EDEM1: variants seen among roughly 807,000 people sequenced by gnomAD.
EDEM1 encodes the protein ER degradation enhancing alpha-mannosidase like protein 1.
Under a neutral mutation model 74.4 loss-of-function variants are expected in EDEM1, and 67 were observed. That is an observed-to-expected ratio of 0.90 (90% CI 0.74 to 1.10). The LOEUF is 1.10. EDEM1 is among the 50% of genes least tolerant of loss of function. The probability of loss-of-function intolerance (pLI) is 0.00; values close to 1 mark genes in which losing one functional copy is unlikely to be tolerated. For missense variants in EDEM1, 926 were observed against 851.6 expected, an observed-to-expected ratio of 1.09 and a Z score of -1.09; for synonymous variants, 382 against 335.9, an observed-to-expected ratio of 1.14 and a Z score of -1.50.
rs745805992 is a variant in EDEM1, at chr3:5,213,405, T to C, written c.1767T>C (p.His589=). The part of the protein sequence containing the change: ...TEGHIVSVDE[H]LRELPWKEFF... ...GACACATTGTATCTGTGGATGAGCA[T>C]CTTCGGGAATTGCCATGGAAGGAAT... Residue 589 remains histidine, a synonymous_variant, in exon 11 of 12, where the codon CAT becomes CAC. Coordinates refer to ENST00000256497, the MANE Select transcript of EDEM1 (RefSeq NM_014674.3). The C allele has an allele frequency of 7.4e-6, 12 of 1,614,190 alleles. No individual in the cohort carries two copies. In the East Asian group the frequency reaches 2.7e-4, roughly 36 times the overall value.
intron 1 of EDEM1, 199 bp downstream of exon 1, chr3:5,188,513 T>C: frequency 2.1e-6 from 1 of 476,778 alleles, no homozygotes; most frequent in Non-Finnish European, 3.4e-6. Flanking sequence ...CCGGTGGCCT[T>C]CCTCTCCTGA....
Position 5,217,778 on chromosome 3 carries a change from C to T in EDEM1, c.*1860C>T, listed in dbSNP as rs1575594957. 2 of 152,124 alleles carry T rather than the reference C, an allele frequency of 1.3e-5. No individual in the cohort carries two copies. Among genetic ancestry groups the T allele is most frequent in the African/African-American group, 4.8e-5 (2 of 41,420 alleles). The allele number at this position is 152,124 out of a possible 1,614,324, so 9.4% of individuals were successfully genotyped here. A position where few individuals can be genotyped will look rare whatever the true frequency, so the allele number is the denominator to read the frequency against. On this transcript the variant is annotated 3_prime_UTR_variant, in exon 12 of 12. Transcript: ENST00000256497. ...TATATATTTTAAATGTTTTCACTGA[C>T]TCATTGAAAATGTTAATTACACACA...
intron 1 of EDEM1, among the ~76,000 whole-genome samples, chr3:5,189,057 T>C (rs2054868507): frequency 6.6e-6 from 1 of 152,168 alleles, no homozygotes; most frequent in Non-Finnish European, 1.5e-5. Flanking sequence ...CAGGCAGTCT[T>C]CCCTGTTCAC....
At position 5,188,100 on chromosome 3, in the gene EDEM1, A is replaced by G. The variant is rs1449131789; in HGVS notation, c.295A>G (p.Asn99Asp). 4.0e-6 allele frequency: 6 copies of G among 1,510,400 alleles called. No individual in the cohort carries two copies. In the South Asian group the frequency reaches 6.2e-5, roughly 16 times the overall value. 93.6% of individuals were successfully genotyped at this position (1,510,400 alleles called of 1,614,324 possible). ...RPGPGMCGPA[N>D]WGYVLGGRGR... ...TGGGCCGGGGATGTGCGGCCCAGCCAACTGGGGCTACGTGCTGGGCGGCCG... is the reference window on the plus strand; with the variant it reads ...TGGGCCGGGGATGTGCGGCCCAGCCGACTGGGGCTACGTGCTGGGCGGCCG... Residue 99 changes from asparagine (N) to aspartate (D), a missense_variant, in exon 1 of 12, where the codon AAC becomes GAC. Asn to Asp is a conservative substitution (Grantham distance 23). Coordinates refer to ENST00000256497, the MANE Select transcript of EDEM1 (RefSeq NM_014674.3).
Position 5,205,113 on chromosome 3 carries a change from T to C in EDEM1, c.1089T>C (p.Ser363=), listed in dbSNP as rs113760875. ...CGGGCCACTGGGTTGGAAAGCAGAG[T>C]GGCCTGGGTGCCGGGCTGGACTCCT... ...IQTGHWVGKQ[S]GLGAGLDSFY... is the part of the protein sequence containing the mutation. The change falls in exon 6 of 12, where the codon AGT becomes AGC. Residue 363 remains serine (S), a synonymous_variant. Coordinates refer to ENST00000256497, the MANE Select transcript of EDEM1 (RefSeq NM_014674.3). 2 of 1,614,046 alleles carry C rather than the reference T, an allele frequency of 1.2e-6. No individual in the cohort carries two copies. The highest frequency in any genetic ancestry group is 1.7e-6 in the Non-Finnish European group (2 of 1,180,038).
intron 9 of EDEM1, 98 bp from the exon 10 acceptor site, chr3:5,211,022 C>G (rs2106608284): frequency 9.2e-7 from 1 of 1,086,124 alleles, no homozygotes; most frequent in South Asian, 1.4e-5. Context: ...TGTTGGATGA[C>G]TGGTTGATTA....
intron 5 of EDEM1, among the ~76,000 whole-genome samples, chr3:5,204,035 G>T (rs2106599129): frequency 6.6e-6 from 1 of 152,244 alleles, no homozygotes; most frequent in Admixed American, 6.5e-5. Flanking sequence ...CCCAGCCTAG[G>T]TGTTATTTTA....
At position 5,205,081 on chromosome 3, in the gene EDEM1, A is replaced by T; in HGVS notation, c.1057A>T (p.Ile353Phe). ...TATTTTTGCAGGCAATGTCGTGAAC[A>T]TTCAGACGGGCCACTGGGTTGGAAA... ...DTGLLGNVVNIQTGHWVGKQS... is the reference protein window; with the variant it reads ...DTGLLGNVVNFQTGHWVGKQS... The change falls in exon 6 of 12, where the codon ATT (isoleucine) becomes TTT (phenylalanine). Residue 353 changes from isoleucine (I) to phenylalanine (F), a missense_variant. Transcript: ENST00000256497. 1 of 1,614,106 alleles carries T rather than the reference A, an allele frequency of 6.2e-7. No homozygotes were observed. Among genetic ancestry groups the T allele is most frequent in the South Asian group, 1.1e-5 (1 of 91,086 alleles).
At chr3:5,211,028 G>A in intron 9 of EDEM1, 92 bp from the exon 10 acceptor site, 1 of 1,156,608 alleles carries the variant, frequency 8.6e-7, no homozygotes. Flanking sequence ...ATGACTGGTT[G>A]ATTATTCTGA....
intron 1 of EDEM1, among the ~76,000 whole-genome samples, chr3:5,190,141 T>G (rs343420): frequency 6.6e-6 from 1 of 152,026 alleles, no homozygotes; most frequent in African/African-American, 2.4e-5. Flanking sequence ...TTAAATTTAT[T>G]TTTGCCACTA....
In EDEM1 at chr3:5,196,458, G is replaced by GGA. The variant is rs1457070671; in HGVS notation, c.582+1180_582+1181dup. 2.3e-4 allele frequency among the ~76,000 whole-genome samples: 18 copies of GGA among 78,428 alleles called. No homozygotes were observed. The Admixed American group carries it at 2.6e-3, about 11-fold the overall frequency. The allele number at this position is 78,428 out of a possible 152,430, so 51.5% of individuals were successfully genotyped here. A position where few individuals can be genotyped will look rare whatever the true frequency, so the allele number is the denominator to read the frequency against. On this transcript the variant is annotated intron_variant, in intron 2 of 11. Transcript: ENST00000256497. ...GGCAACAGAGTGAGACTCCATCTCT[G>GGA]GAGACACACACACACACACACACAC...
At chr3:5,191,315 C>T (rs1052341059) in intron 1 of EDEM1, among the ~76,000 whole-genome samples, 12 of 152,056 alleles carry the variant, frequency 7.9e-5, no homozygotes, top group Non-Finnish European at 1.5e-4. Context: ...CCTTGAACTC[C>T]TGGGCTCAAG....
At chr3:5,188,395 C>T in intron 1 of EDEM1, 81 bp downstream of exon 1, 1 of 1,308,382 alleles carries the variant, frequency 7.6e-7, no homozygotes, top group South Asian at 2.4e-5. Flanking sequence ...CCTCTGTCCT[C>T]CGGGGCCCCC....
chr3:5,213,260 T>A, intron 10 of EDEM1, 59 bp from the exon 11 acceptor site: 1 of 1,516,732 alleles, frequency 6.6e-7, no homozygotes, highest in Non-Finnish European at 9.0e-7. Flanking sequence ...CACGCCCCCA[T>A]GATTCAGTTC....
rs190594528 is a variant in EDEM1 at position 5,216,049 on chromosome 3, A to G, written c.*131A>G. 487 of 678,090 alleles carry G rather than the reference A, an allele frequency of 7.2e-4. No individual in the cohort carries two copies. Among genetic ancestry groups the G allele is most frequent in the Non-Finnish European group, 9.4e-4 (374 of 397,386 alleles). 42.0% of individuals were successfully genotyped at this position (678,090 alleles called of 1,614,324 possible). On this transcript the variant is annotated 3_prime_UTR_variant, in exon 12 of 12. Coordinates refer to ENST00000256497, the MANE Select transcript of EDEM1 (RefSeq NM_014674.3). ...GGTGGTGTAGGAATTTCTGTGCAAC[A>G]CCTCACCACGTCTGGTTAATCCTTG...
At chr3:5,192,492 G>C (rs367707610) in intron 1 of EDEM1, among the ~76,000 whole-genome samples, 1 of 152,248 alleles carries the variant, frequency 6.6e-6, no homozygotes, top group Non-Finnish European at 1.5e-5. Flanking sequence ...AAAATTTACA[G>C]TGGGGTGAAT....
Position 5,213,307 on chromosome 3 carries a change from C to G in EDEM1, c.1681-12C>G, listed in dbSNP as rs201945107. The G allele has an allele frequency of 6.8e-6, 11 of 1,608,724 alleles. No homozygotes were observed. The South Asian group carries it at 7.8e-5, about 11-fold the overall frequency. On this transcript the variant is annotated splice_polypyrimidine_tract_variant and intron_variant, in intron 10 of 11. Coordinates refer to ENST00000256497, the MANE Select transcript of EDEM1 (RefSeq NM_014674.3). Reference sequence around the variant, plus strand: ...CAATTATTGGTTGTATCTTTTTCTCCGTTCCCTCTAGCTGTTTGATGAAGA... The same window carrying G: ...CAATTATTGGTTGTATCTTTTTCTCGGTTCCCTCTAGCTGTTTGATGAAGA...
At chr3:5,196,909 C>T (rs1490895642) in intron 2 of EDEM1, among the ~76,000 whole-genome samples, 1 of 151,156 alleles carries the variant, frequency 6.6e-6, no homozygotes. Flanking sequence ...TTGTCATCGT[C>T]GTCGTCTTTT....
intron 2 of EDEM1, among the ~76,000 whole-genome samples, chr3:5,198,486 A>G (rs1180374626): frequency 6.6e-6 from 1 of 152,176 alleles, no homozygotes; most frequent in Non-Finnish European, 1.5e-5. Flanking sequence ...GCAATCAGAT[A>G]TGCATTTTTC....
Sources: allele counts gnomAD v4.1 joint callset (sites outside exome capture counted in the v4.1 genomes callset), GRCh38; gene constraint gnomAD v4.1.1; transcripts MANE v1.5; gene names NCBI Gene and HGNC (gene_info 2026-07-23, HGNC 2026-07-21).